DOCK2: variants seen among roughly 807,000 people sequenced by gnomAD.
DOCK2 encodes the protein dedicator of cytokinesis 2, also known as dedicator of cytokinesis protein 2.
A neutral mutation model predicts 248.9 loss-of-function variants in DOCK2; 87 were observed. That is an observed-to-expected ratio of 0.35 (90% CI 0.29 to 0.42). DOCK2 has a LOEUF of 0.42. DOCK2 is among the 10% of genes least tolerant of loss of function. DOCK2 has a pLI of 1.00. For synonymous variants in DOCK2, 805 were observed against 821.6 expected (o/e 0.98, Z 0.35); for missense variants, 1,747 against 2,300.2 (o/e 0.76, Z 4.92).
chr5:169,680,916 TG>T (rs1257564918), intron 6 of DOCK2, among the ~76,000 whole-genome samples: 2 of 152,080 alleles, frequency 1.3e-5, no homozygotes, highest in Non-Finnish European at 1.5e-5. Flanking sequence ...GCCTATTTTT[TG>T]TTTATTTGTT....
At chr5:169,639,509 C>T (rs1757031998) in intron 1 of DOCK2, among the ~76,000 whole-genome samples, 1 of 152,190 alleles carries the variant, frequency 6.6e-6, no homozygotes, top group African/African-American at 2.4e-5. Context: ...GGTAAGGTGG[C>T]TCATTCTATA....
At chr5:169,957,379 G>C (rs1776913159) in intron 27 of DOCK2, among the ~76,000 whole-genome samples, 1 of 152,194 alleles carries the variant, frequency 6.6e-6, no homozygotes, top group African/African-American at 2.4e-5. Context: ...AAAGTACTTA[G>C]CACATTGTTT....
intron 25 of DOCK2, among the ~76,000 whole-genome samples, chr5:169,785,418 AT>A (rs1384822608): frequency 6.6e-6 from 1 of 152,212 alleles, no homozygotes; most frequent in African/African-American, 2.4e-5. Context: ...TTTATCAAAT[AT>A]TTTCCCACTA....
At chr5:170,055,234 G>A in intron 41 of DOCK2, 71 bp from the exon 42 acceptor site, 1 of 1,492,752 alleles carries the variant, frequency 6.7e-7, no homozygotes, top group Non-Finnish European at 9.3e-7. Flanking sequence ...GAAGGTCTCA[G>A]CAAGGACCAG....
chr5:170,006,875 G>C (rs928396543), intron 30 of DOCK2, among the ~76,000 whole-genome samples: 1 of 152,126 alleles, frequency 6.6e-6, no homozygotes, highest in Non-Finnish European at 1.5e-5. Flanking sequence ...GAAGGTCTGC[G>C]TGCAGATCTT....
intron 32 of DOCK2, among the ~76,000 whole-genome samples, chr5:170,014,238 C>A (rs1755423795): frequency 6.6e-6 from 1 of 152,088 alleles, no homozygotes; most frequent in Non-Finnish European, 1.5e-5. Flanking sequence ...ATGTAATAAC[C>A]AACATCGAGC....
intron 1 of DOCK2, among the ~76,000 whole-genome samples, chr5:169,645,345 G>A (rs1347303636): frequency 1.3e-5 from 2 of 152,148 alleles, no homozygotes; most frequent in Non-Finnish European, 2.9e-5. Context: ...GCATGAGATG[G>A]TATCTCATTG....
chr5:169,811,969 C>A (rs566648848), intron 26 of DOCK2, among the ~76,000 whole-genome samples: 1 of 152,352 alleles, frequency 6.6e-6, no homozygotes, highest in African/African-American at 2.4e-5. Flanking sequence ...GTGCTCTATT[C>A]TGTATGCTGG....
chr5:169,908,556 A>G (rs1470031985), intron 27 of DOCK2, among the ~76,000 whole-genome samples: 1 of 152,180 alleles, frequency 6.6e-6, no homozygotes, highest in Non-Finnish European at 1.5e-5. Context: ...TCCTTAAAGC[A>G]TATGGGTCCT....
At chr5:169,665,473 TAC>T (rs973020551) in intron 2 of DOCK2, among the ~76,000 whole-genome samples, 2 of 141,800 alleles carry the variant, frequency 1.4e-5, no homozygotes, top group African/African-American at 2.6e-5. Context: ...TATATGTATA[TAC>T]ACACACATAT....
At chr5:169,819,214 G>A (rs1768263415) in intron 26 of DOCK2, among the ~76,000 whole-genome samples, 1 of 152,150 alleles carries the variant, frequency 6.6e-6, no homozygotes, top group Non-Finnish European at 1.5e-5. Context: ...GGACGTTGAG[G>A]AAGGAGAATC....
At chr5:169,924,976 G>T (rs1158295465) in intron 27 of DOCK2, among the ~76,000 whole-genome samples, 1 of 152,126 alleles carries the variant, frequency 6.6e-6, no homozygotes, top group Non-Finnish European at 1.5e-5. Flanking sequence ...TTCCAATCTT[G>T]TCAACCAGTT....
At chr5:169,661,759 G>A (rs952208739) in intron 2 of DOCK2, among the ~76,000 whole-genome samples, 100 of 152,174 alleles carry the variant, frequency 6.6e-4, no homozygotes, top group African/African-American at 2.3e-3. Flanking sequence ...ATGTCTTCCA[G>A]GTTCATCCAT....
At chr5:169,884,125 T>G (rs924788453) in intron 27 of DOCK2, 2 of 392,832 alleles carry the variant, frequency 5.1e-6, no homozygotes, top group Non-Finnish European at 9.0e-6. Context: ...TATTAATTCA[T>G]TGTAGTCATA....
At chr5:169,997,640 A>G (rs1241445570) in intron 30 of DOCK2, among the ~76,000 whole-genome samples, 2 of 149,868 alleles carry the variant, frequency 1.3e-5, no homozygotes, top group Admixed American at 6.7e-5. Context: ...AACAAAGTAC[A>G]TCTTGCACCG....
rs112704389 is a variant in DOCK2, at chr5:169,769,335, G to A, written c.2554+7710G>A. ...GACTTTAGCCCCAGAGGGGATGTTG[G>A]TACACACAAATTTTGTGGCTTTGGG... On this transcript the variant is annotated intron_variant, in intron 25 of 51. Coordinates refer to ENST00000520908, the MANE Select transcript of DOCK2 (RefSeq NM_004946.3). Among the ~76,000 whole-genome samples, 135 of 152,254 alleles carry A rather than the reference G, an allele frequency of 8.9e-4. 1 individual carries two copies. The highest frequency in any genetic ancestry group is 1.4e-3 in the Admixed American group (21 of 15,304).
intron 23 of DOCK2, among the ~76,000 whole-genome samples, chr5:169,751,225 G>A (rs1211391094): frequency 5.9e-5 from 9 of 152,276 alleles, no homozygotes; most frequent in Non-Finnish European, 7.4e-5. Context: ...TTCAGAAGGC[G>A]GGCATTTGTG....
intron 25 of DOCK2, among the ~76,000 whole-genome samples, chr5:169,800,530 C>T (rs1213100562): frequency 6.6e-6 from 1 of 152,140 alleles, no homozygotes; most frequent in African/African-American, 2.4e-5. Context: ...ACATTAATTA[C>T]GTTTATTGGA....
At chr5:169,849,149 T>C (rs1244711216) in intron 27 of DOCK2, among the ~76,000 whole-genome samples, 1 of 152,212 alleles carries the variant, frequency 6.6e-6, no homozygotes, top group Non-Finnish European at 1.5e-5. Flanking sequence ...AGCACCCCTG[T>C]ACCTTGTTGA....
Sources: allele counts gnomAD v4.1 joint callset (sites outside exome capture counted in the v4.1 genomes callset), GRCh38; gene constraint gnomAD v4.1.1; transcripts MANE v1.5; gene names NCBI Gene and HGNC (gene_info 2026-07-23, HGNC 2026-07-21).